EML1: variants seen among roughly 807,000 people sequenced by gnomAD.
EML1 encodes EMAP like 1, also known as echinoderm microtubule-associated protein-like 1.
A neutral mutation model predicts 110.4 loss-of-function variants in EML1; 27 were observed. The observed-to-expected ratio is 0.24, with a 90% CI of 0.18 to 0.34. The LOEUF is 0.34. EML1 is among the 10% of genes least tolerant of loss of function. The pLI is 1.00. For missense variants in EML1, 741 were observed against 1,030.9 expected (o/e 0.72, Z 3.85); for synonymous variants, 344 against 385.8 (o/e 0.89, Z 1.27).
In EML1 at chr14:99,941,680, C is replaced by G. The variant is rs2060591518; in HGVS notation, c.*1568C>G. 6.7e-6 allele frequency: 1 copy of G among 148,396 alleles called. No homozygotes were observed. Among genetic ancestry groups the G allele is most frequent in the African/African-American group, 2.6e-5 (1 of 37,928 alleles). 9.2% of individuals were successfully genotyped at this position (148,396 alleles called of 1,614,324 possible). Reference sequence around the variant, plus strand: ...ATGAGACTGTAGTTTGCAGATGAGACTGTAGTTTGCAGATGGCGTGGAAGC... The same window carrying G: ...ATGAGACTGTAGTTTGCAGATGAGAGTGTAGTTTGCAGATGGCGTGGAAGC... On this transcript the variant is annotated 3_prime_UTR_variant, in exon 22 of 22. Coordinates refer to ENST00000262233, the MANE Select transcript of EML1 (RefSeq NM_004434.3).
At chr14:99,909,624 C>A in intron 11 of EML1, 145 bp downstream of exon 11, 2 of 1,126,770 alleles carry the variant, frequency 1.8e-6, no homozygotes, top group Non-Finnish European at 2.5e-6. Context: ...GTAGATAACG[C>A]TGGTAATGAA....
chr14:99,878,421 T>C (rs2059329681), intron 3 of EML1, 64 bp from the exon 4 acceptor site: 1 of 1,541,772 alleles, frequency 6.5e-7, no homozygotes, highest in Admixed American at 2.1e-5. Context: ...TATATTTGTA[T>C]GCTTAGCAAT....
At chr14:99,793,968 T>A (rs985350310) in intron 1 of EML1, among the ~76,000 whole-genome samples, 2 of 152,112 alleles carry the variant, frequency 1.3e-5, no homozygotes, top group African/African-American at 4.8e-5. Context: ...AATCCTTTAA[T>A]AACAAAACCC....
chr14:99,907,492 G>A, intron 9 of EML1, 146 bp from the exon 10 acceptor site: 2 of 686,860 alleles, frequency 2.9e-6, no homozygotes, highest in African/African-American at 3.6e-5. Flanking sequence ...AAGAAAGAAA[G>A]CAGGTCTCAA....
chr14:99,922,164 A>AT lies in EML1; in HGVS notation c.1909+1299dup, dbSNP rs879605225. Among the ~76,000 whole-genome samples, 112 of 147,314 alleles carry AT rather than the reference A, an allele frequency of 7.6e-4. 1 individual carries two copies. In the Middle Eastern group the frequency reaches 0.01, roughly 14 times the overall value. ...TTATCCATGCATCAGTTAATGATGG[A>AT]TTTTTTTTTTTTGAGACAGAGCCTC... On this transcript the variant is annotated intron_variant, in intron 17 of 21. Transcript: ENST00000262233.
At position 99,936,720 on chromosome 14, in the gene EML1, G is replaced by A. The variant is rs542805585; in HGVS notation, c.2095+386G>A. Among the ~76,000 whole-genome samples, 158 of 152,268 alleles carry A rather than the reference G, an allele frequency of 1.0e-3. 1 individual carries two copies. Among genetic ancestry groups the A allele is most frequent in the African/African-American group, 3.7e-3 (153 of 41,574 alleles). ...TGTAAAGGTGTTATCCTCACAGGAGGGACCATGAAGTCCATCCCCGCTGGG... is the reference window on the plus strand; with the variant it reads ...TGTAAAGGTGTTATCCTCACAGGAGAGACCATGAAGTCCATCCCCGCTGGG... On this transcript the variant is annotated intron_variant, in intron 19 of 21. Transcript: ENST00000262233. The surrounding 1 kb of genome is among the most constrained non-coding windows in gnomAD (Gnocchi z 5.5).
chr14:99,834,450 C>T (rs6575748), intron 1 of EML1, among the ~76,000 whole-genome samples: 103,371 of 151,880 alleles, frequency 0.68, 35,254 homozygotes, highest in Non-Finnish European at 0.7. Flanking sequence ...TACAGGTGCA[C>T]GCCACCATGC....
chr14:99,830,938 T>G (rs2058439974), intron 1 of EML1, among the ~76,000 whole-genome samples: 1 of 152,170 alleles, frequency 6.6e-6, no homozygotes, highest in African/African-American at 2.4e-5. Context: ...CAGATGTCCC[T>G]TTTCTCTCTT....
intron 1 of EML1, among the ~76,000 whole-genome samples, chr14:99,815,833 G>T (rs7158712): frequency 6.6e-6 from 1 of 151,512 alleles, no homozygotes; most frequent in Non-Finnish European, 1.5e-5. Context: ...TGATTCTGTC[G>T]TAGAGATGCT....
chr14:99,892,152 G>C (rs2059598972), intron 5 of EML1: 1 of 985,268 alleles, frequency 1.0e-6, no homozygotes, highest in Non-Finnish European at 1.2e-6. Context: ...TTCTGTCTCT[G>C]TCTCCGAAAT....
chr14:99,770,355 C>T (rs200270325), upstream of EML1, among the ~76,000 whole-genome samples: 7 of 141,800 alleles, frequency 4.9e-5, no homozygotes, highest in East Asian at 1.5e-3. Flanking sequence ...AGCAAGCTCT[C>T]GTGTCTTTTT....
At position 99,914,209 on chromosome 14, in the gene EML1, G is replaced by C. The variant is rs1244613795; in HGVS notation, c.1525G>C (p.Val509Leu). The C allele has an allele frequency of 6.2e-7, 1 of 1,613,808 alleles. No homozygotes were observed. Among genetic ancestry groups the C allele is most frequent in the Non-Finnish European group, 8.5e-7 (1 of 1,179,812 alleles). The stretch of plus-strand genomic sequence containing the variant: ...AGAACAGTTTGGTCCAATACGGACA[G>C]TGGCCGAGGGGAAAGGCGATGTGAT... ...IPEQFGPIRT[V>L]AEGKGDVILI... The change falls in exon 14 of 22, where the codon GTG (valine) becomes CTG (leucine). Residue 509 changes from valine to leucine, a missense_variant. Val to Leu is a conservative substitution (Grantham distance 32). Around this residue, in one of 4 missense-constraint regions of EML1, gnomAD observed 388 missense variants for 605.6 expected, o/e 0.64. Coordinates refer to ENST00000262233, the MANE Select transcript of EML1 (RefSeq NM_004434.3).
Position 99,907,732 on chromosome 14 carries a change from A to G in EML1, c.1103A>G (p.Lys368Arg). 6.2e-7 allele frequency: 1 copy of G among 1,614,126 alleles called. No homozygotes were observed. The highest frequency in any genetic ancestry group is 1.7e-5 in the Admixed American group (1 of 60,018). ...AAAGAAGAAAAACTAGCAGATGTGA[A>G]GGTCATGCTCCAAGCCTTTTTTGGG... is the stretch of plus-strand genomic sequence containing the variant. ...WQKEEKLADVKCSNEAVFAAD... is the reference protein window; with the variant it reads ...WQKEEKLADVRCSNEAVFAAD... Residue 368 changes from lysine (K) to arginine (R), a missense_variant and splice_region_variant, in exon 10 of 22, where the codon AAG (lysine) becomes AGG (arginine). Around this residue, in one of 4 missense-constraint regions of EML1, gnomAD observed 388 missense variants for 605.6 expected, o/e 0.64. Coordinates refer to ENST00000262233, the MANE Select transcript of EML1 (RefSeq NM_004434.3).
intron 1 of EML1, among the ~76,000 whole-genome samples, chr14:99,828,931 G>A (rs2058404151): frequency 6.6e-6 from 1 of 152,126 alleles, no homozygotes; most frequent in South Asian, 2.1e-4. Context: ...GGAGGAGGAG[G>A]AAGAGGAAAG....
At position 99,887,653 on chromosome 14, in the gene EML1, G is replaced by C. The variant is rs78927354; in HGVS notation, c.519-3546G>C. Among the ~76,000 whole-genome samples, 83 of 152,166 alleles carry C rather than the reference G, an allele frequency of 5.5e-4. 1 individual carries two copies. In the East Asian group the frequency reaches 0.014, roughly 26 times the overall value. On this transcript the variant is annotated intron_variant, in intron 4 of 21. Coordinates refer to ENST00000262233, the MANE Select transcript of EML1 (RefSeq NM_004434.3). ...AAATGGGGAATCAGAGATGAATTACGTAACACCTTGAGAAGCGATCATCTC... is the reference window on the plus strand; with the variant it reads ...AAATGGGGAATCAGAGATGAATTACCTAACACCTTGAGAAGCGATCATCTC...
intron 1 of EML1, among the ~76,000 whole-genome samples, chr14:99,819,772 C>G (rs1395077025): frequency 1.3e-5 from 2 of 152,180 alleles, no homozygotes; most frequent in African/African-American, 4.8e-5. Context: ...CCCAGCCTCT[C>G]GCACCGAGCA....
At chr14:99,810,652 C>T (rs1172063839) in intron 1 of EML1, among the ~76,000 whole-genome samples, 1 of 152,200 alleles carries the variant, frequency 6.6e-6, no homozygotes, top group Non-Finnish European at 1.5e-5. Flanking sequence ...GGACAAATCA[C>T]GTGACCTTGT....
Position 99,939,413 on chromosome 14 carries a change from C to T in EML1, c.2322+86C>T. ...TGTTTGGAGACTAAGTGGAAATGGG[C>T]TGTGAGCGACTGCTGCCAGCCACAA... is the stretch of plus-strand genomic sequence containing the variant. On this transcript the variant is annotated intron_variant, in intron 21 of 21. Coordinates refer to ENST00000262233, the MANE Select transcript of EML1 (RefSeq NM_004434.3). This position sits in a 1 kb window ranked among gnomAD's most constrained non-coding sequence, Gnocchi z 4.2. The T allele has an allele frequency of 6.4e-7, 1 of 1,560,386 alleles. No homozygotes were observed. Among genetic ancestry groups the T allele is most frequent in the East Asian group, 2.3e-5 (1 of 44,284 alleles).
At chr14:99,867,107 A>G (rs1203978243) in intron 3 of EML1, among the ~76,000 whole-genome samples, 1 of 152,118 alleles carries the variant, frequency 6.6e-6, no homozygotes, top group Non-Finnish European at 1.5e-5. Flanking sequence ...TGGAGTCCCC[A>G]GTGTCTCTTA....
Sources: allele counts gnomAD v4.1 joint callset (sites outside exome capture counted in the v4.1 genomes callset), GRCh38; gene constraint gnomAD v4.1.1; regional missense constraint gnomAD v4.1.1; non-coding constraint Gnocchi (gnomAD v3.1); transcripts MANE v1.5; gene names NCBI Gene and HGNC (gene_info 2026-07-23, HGNC 2026-07-21).